KIF3B: variants seen among roughly 807,000 people sequenced by gnomAD.
The protein encoded by KIF3B is kinesin family member 3B, also known as kinesin-like protein KIF3B.
In KIF3B, 38 loss-of-function variants were observed where a neutral mutation model predicts 74.3. The observed-to-expected ratio is 0.51, with a 90% confidence interval of 0.39 to 0.67. KIF3B has a LOEUF of 0.67. Ranked by LOEUF, KIF3B falls within the 30% of genes least tolerant of loss-of-function variation. KIF3B has a pLI of 0.00. For missense variants in KIF3B, 649 were observed against 932.0 expected (o/e 0.70, Z 3.95); for synonymous variants, 326 against 342.5 (o/e 0.95, Z 0.53).
intron 7 of KIF3B, among the ~76,000 whole-genome samples, chr20:32,329,553 A>G (rs548766348): frequency 1.3e-4 from 20 of 151,816 alleles, no homozygotes; most frequent in African/African-American, 4.8e-4. Context: ...TGCTTTCTCT[A>G]ATTAAGTTTC....
intron 6 of KIF3B, among the ~76,000 whole-genome samples, chr20:32,327,172 TAGG>T (rs2047907777): frequency 6.6e-6 from 1 of 152,086 alleles, no homozygotes; most frequent in African/African-American, 2.4e-5. Flanking sequence ...TGAAGTATGC[TAGG>T]TCACGTAAGG....
At chr20:32,300,020 C>T (rs910224128) in intron 1 of KIF3B, among the ~76,000 whole-genome samples, 2 of 152,084 alleles carry the variant, frequency 1.3e-5, no homozygotes, top group Non-Finnish European at 2.9e-5. Context: ...AGGCAATCCT[C>T]CTGCCTTGTC....
chr20:32,322,642 A>T (rs866229703), intron 5 of KIF3B, among the ~76,000 whole-genome samples: 4 of 72,938 alleles, frequency 5.5e-5, no homozygotes, highest in Non-Finnish European at 7.3e-5. Flanking sequence ...ATATATTTAT[A>T]TATATATTTT....
chr20:32,333,312 T>A lies in KIF3B; in HGVS notation c.*1993T>A, dbSNP rs1028439575. ...TCTGAATTCTGTAGGCTAAAAATAT[T>A]CATGTAGCAAATCTGAGAATTGAAA... On this transcript the variant is annotated 3_prime_UTR_variant, in exon 9 of 9. Coordinates refer to ENST00000375712, the MANE Select transcript of KIF3B (RefSeq NM_004798.4). The A allele has an allele frequency of 1.3e-5, 2 of 152,068 alleles. No individual in the cohort carries two copies. The highest frequency in any genetic ancestry group is 4.8e-5 in the African/African-American group (2 of 41,412). The allele number at this position is 152,068 out of a possible 1,614,324, so 9.4% of individuals were successfully genotyped here. A position where few individuals can be genotyped will look rare whatever the true frequency, so the allele number is the denominator to read the frequency against.
At chr20:32,316,933 TGTTTA>T (rs2047830675) in intron 5 of KIF3B, 59 bp downstream of exon 5, 1 of 1,284,990 alleles carries the variant, frequency 7.8e-7, no homozygotes, top group Non-Finnish European at 1.1e-6. Context: ...TGATCTCGTT[TGTTTA>T]GTTAGAAACA....
intron 8 of KIF3B, 152 bp downstream of exon 8, chr20:32,330,471 A>G: frequency 1.4e-6 from 1 of 710,926 alleles, no homozygotes; most frequent in Non-Finnish European, 2.3e-6. Context: ...TTCTACAAAT[A>G]TTTATGGTTG....
chr20:32,288,316 C>A (rs1483148364), intron 1 of KIF3B, among the ~76,000 whole-genome samples: 1 of 151,998 alleles, frequency 6.6e-6, no homozygotes, highest in Non-Finnish European at 1.5e-5. Flanking sequence ...TAGTGAGACC[C>A]CATCTATACA....
At position 32,322,975 on chromosome 20, in the gene KIF3B, T is replaced by TAC. The variant is rs1385325820; in HGVS notation, c.1749-3792_1749-3791dup. 1.7e-4 allele frequency among the ~76,000 whole-genome samples: 2 copies of TAC among 11,806 alleles called. 1 individual carries two copies. The highest frequency in any genetic ancestry group is 2.4e-4 in the Non-Finnish European group (2 of 8,424). The allele number at this position is 11,806 out of a possible 152,430, so 7.7% of individuals were successfully genotyped here. ...TTATATATATACATATTTATATATA[T>TAC]ACACATATTTATATATACATATATT... On this transcript the variant is annotated intron_variant, in intron 5 of 8. Coordinates refer to ENST00000375712, the MANE Select transcript of KIF3B (RefSeq NM_004798.4).
chr20:32,287,293 A>C (rs1432420731), intron 1 of KIF3B, among the ~76,000 whole-genome samples: 1 of 151,398 alleles, frequency 6.6e-6, no homozygotes, highest in Non-Finnish European at 1.5e-5. Flanking sequence ...TCAGATTACA[A>C]GTGTGAGCCA....
At chr20:32,292,256 CA>C (rs1333793448) in intron 1 of KIF3B, among the ~76,000 whole-genome samples, 2 of 152,080 alleles carry the variant, frequency 1.3e-5, no homozygotes, top group East Asian at 3.9e-4. Flanking sequence ...CATTTCTTAA[CA>C]GTTGGTTTGT....
chr20:32,280,132 A>G (rs1156844760), intron 1 of KIF3B, among the ~76,000 whole-genome samples: 3 of 152,226 alleles, frequency 2.0e-5, no homozygotes, highest in African/African-American at 7.2e-5. Flanking sequence ...TGGCCTTATT[A>G]TCATGTATGG....
intron 3 of KIF3B, 86 bp downstream of exon 3, chr20:32,316,405 C>T (rs2047827805): frequency 6.5e-7 from 1 of 1,540,118 alleles, no homozygotes; most frequent in Non-Finnish European, 8.9e-7. Flanking sequence ...AGACTCTCTT[C>T]AAAGAGAATG....
chr20:32,280,259 T>C (rs1263852355), intron 1 of KIF3B, among the ~76,000 whole-genome samples: 2 of 152,144 alleles, frequency 1.3e-5, no homozygotes, highest in African/African-American at 4.8e-5. Flanking sequence ...CCGTGTATGG[T>C]TGGTGAAAGA....
At chr20:32,302,008 G>T (rs1232820059) in intron 1 of KIF3B, among the ~76,000 whole-genome samples, 1 of 152,208 alleles carries the variant, frequency 6.6e-6, no homozygotes, top group Non-Finnish European at 1.5e-5. Context: ...TGTTAACATT[G>T]AATGACAAGT....
rs2047622960 is a variant in KIF3B at position 32,277,731 on chromosome 20, C to G, written c.-100C>G. On this transcript the variant is annotated 5_prime_UTR_variant, in exon 1 of 9. Transcript: ENST00000375712. The stretch of plus-strand genomic sequence containing the variant: ...CCCGCCGCCGCCGCCGCCGCCGCCG[C>G]CGCCGCCGCCGCCCGCTTTCGGCTC... 1 of 267,396 alleles carries G rather than the reference C, an allele frequency of 3.7e-6. No individual in the cohort carries two copies. Among genetic ancestry groups the G allele is most frequent in the Non-Finnish European group, 6.8e-6 (1 of 147,710 alleles). 16.6% of individuals were successfully genotyped at this position (267,396 alleles called of 1,614,324 possible).
At chr20:32,304,340 G>C (rs1014779241) in intron 1 of KIF3B, among the ~76,000 whole-genome samples, 1 of 152,176 alleles carries the variant, frequency 6.6e-6, no homozygotes, top group Admixed American at 6.5e-5. Context: ...TGGGAGAATG[G>C]CAGGAAATAA....
At chr20:32,329,992 C>G in intron 7 of KIF3B, 149 bp from the exon 8 acceptor site, 1 of 612,682 alleles carries the variant, frequency 1.6e-6, no homozygotes, top group Non-Finnish European at 2.6e-6. Context: ...TGTTGTAAAA[C>G]GGCATCACTT....
At chr20:32,284,798 A>G (rs957731480) in intron 1 of KIF3B, among the ~76,000 whole-genome samples, 40 of 152,212 alleles carry the variant, frequency 2.6e-4, no homozygotes, top group African/African-American at 9.4e-4. Flanking sequence ...TGATAATGAC[A>G]ATGAAGGTAA....
chr20:32,286,196 C>T (rs895720457), intron 1 of KIF3B, among the ~76,000 whole-genome samples: 1 of 152,172 alleles, frequency 6.6e-6, no homozygotes, highest in African/African-American at 2.4e-5. Flanking sequence ...TGGGACTTAA[C>T]CACTCTGGAG....
Sources: gnomAD v4.1 joint callset for allele counts (sites outside exome capture counted in the v4.1 genomes callset) on GRCh38, gnomAD v4.1.1 for gene constraint, MANE v1.5 for transcripts, NCBI Gene and HGNC (gene_info 2026-07-23, HGNC 2026-07-21) for gene names.